The following CRMP1 variants were observed in gnomAD, a reference collection of about 807,000 sequenced individuals.
The protein encoded by CRMP1 is dihydropyrimidinase-related protein 1.
Under a neutral mutation model 68.3 loss-of-function variants are expected in CRMP1, and 19 were observed. That is an observed-to-expected ratio of 0.28 (90% CI 0.19 to 0.41). The LOEUF (loss-of-function observed/expected upper bound fraction) is 0.41, where lower values mean the gene tolerates loss of function less well. Among genes scored for constraint, CRMP1 ranks in the 10% least tolerant of loss-of-function variants. The pLI is 1.00. For missense variants in CRMP1, 791 were observed against 967.4 expected, an observed-to-expected ratio of 0.82 and a Z score of 2.42; for synonymous variants, 439 against 399.6, an observed-to-expected ratio of 1.10 and a Z score of -1.18.
Position 5,858,130 on chromosome 4 carries a change from G to A in CRMP1, c.656-1823C>T, listed in dbSNP as rs955030125. On this transcript the variant is annotated intron_variant, in intron 3 of 13. Transcript: ENST00000324989. This position sits in a 1 kb window ranked among gnomAD's most constrained non-coding sequence, Gnocchi z 5.5. Reference sequence around the variant, plus strand: ...AGTCCCTCCCTCCTTCCTTAAACTCGCTTCTCTCCAGCTTCCATGGCAACG... The same window carrying A: ...AGTCCCTCCCTCCTTCCTTAAACTCACTTCTCTCCAGCTTCCATGGCAACG... 3.3e-5 allele frequency among the ~76,000 whole-genome samples: 5 copies of A among 151,880 alleles called. No homozygotes were observed. Among genetic ancestry groups the A allele is most frequent in the South Asian group, 2.1e-4 (1 of 4,804 alleles).
Position 5,883,339 on chromosome 4 carries a change from G to A in CRMP1, c.381+9250C>T, listed in dbSNP as rs775810698. Among the ~76,000 whole-genome samples, 12 of 147,628 alleles carry A rather than the reference G, an allele frequency of 8.1e-5. No homozygotes were observed. Among genetic ancestry groups the A allele is most frequent in the South Asian group, 2.2e-4 (1 of 4,612 alleles). Reference sequence around the variant, plus strand: ...TTGTTTGAGAGAGTCTCATTCTGTCGCCCAGGCTGAAGTGCAGTGGCATGA... The same window carrying A: ...TTGTTTGAGAGAGTCTCATTCTGTCACCCAGGCTGAAGTGCAGTGGCATGA... On this transcript the variant is annotated intron_variant, in intron 1 of 13. Coordinates refer to ENST00000324989, the MANE Select transcript of CRMP1 (RefSeq NM_001014809.3). This position sits in a 1 kb window ranked among gnomAD's most constrained non-coding sequence, Gnocchi z 4.5.
chr4:5,856,761 T>TC (rs1223194853), intron 3 of CRMP1, among the ~76,000 whole-genome samples: 1 of 150,326 alleles, frequency 6.7e-6, no homozygotes, highest in Non-Finnish European at 1.5e-5. Flanking sequence ...TCCACCACCA[T>TC]CACTATCATC....
At chr4:5,882,936 G>T (rs528577874) in intron 1 of CRMP1, among the ~76,000 whole-genome samples, 1 of 152,146 alleles carries the variant, frequency 6.6e-6, no homozygotes, top group Non-Finnish European at 1.5e-5. Context: ...TAGAACCCAC[G>T]TGTTATTTCC....
intron 8 of CRMP1, 108 bp from the exon 9 acceptor site, chr4:5,839,786 GC>G (rs1711565142): frequency 7.8e-7 from 1 of 1,281,732 alleles, no homozygotes; most frequent in African/African-American, 1.5e-5. Flanking sequence ...CTGGCTGAAG[GC>G]CAGAACACTG....
chr4:5,821,873 T>G lies in CRMP1; in HGVS notation c.1970-22A>C, dbSNP rs751468848. On this transcript the variant is annotated intron_variant, in intron 13 of 13. Coordinates refer to ENST00000324989, the MANE Select transcript of CRMP1 (RefSeq NM_001014809.3). The surrounding 1 kb of genome is among the most constrained non-coding windows in gnomAD (Gnocchi z 4.4). ...GCACCTGAAAGAGAGCGCCAATCGC[T>G]GCTGGATGGGATCTGTTAGCATCAG... 2 of 1,541,372 alleles carry G rather than the reference T, an allele frequency of 1.3e-6. No individual in the cohort carries two copies. Among genetic ancestry groups the G allele is most frequent in the Non-Finnish European group, 1.7e-6 (2 of 1,148,630 alleles).
intron 11 of CRMP1, among the ~76,000 whole-genome samples, chr4:5,833,815 C>G (rs560168594): frequency 6.6e-6 from 1 of 152,174 alleles, no homozygotes; most frequent in African/African-American, 2.4e-5. Context: ...GAGGCCCACA[C>G]GGGCGGATCA....
chr4:5,841,481 C>T lies in CRMP1; in HGVS notation c.1033-53G>A. On this transcript the variant is annotated intron_variant, in intron 7 of 13. Coordinates refer to ENST00000324989, the MANE Select transcript of CRMP1 (RefSeq NM_001014809.3). The surrounding 1 kb of genome is among the most constrained non-coding windows in gnomAD (Gnocchi z 6.9). ...GAGGGAAGGCTGGTGTAACAGCTACCACCCATCTCCATTTTCCTTAATTGA... is the reference window on the plus strand; with the variant it reads ...GAGGGAAGGCTGGTGTAACAGCTACTACCCATCTCCATTTTCCTTAATTGA... 1 of 1,604,072 alleles carries T rather than the reference C, an allele frequency of 6.2e-7. No individual in the cohort carries two copies. The highest frequency in any genetic ancestry group is 8.5e-7 in the Non-Finnish European group (1 of 1,173,186).
At chr4:5,831,839 C>T (rs997553144) in intron 11 of CRMP1, among the ~76,000 whole-genome samples, 2 of 152,142 alleles carry the variant, frequency 1.3e-5, no homozygotes, top group Admixed American at 1.3e-4. Flanking sequence ...CACAAAACAC[C>T]ATGATGAAAA....
chr4:5,850,524 A>G lies in CRMP1; in HGVS notation c.882+884T>C, dbSNP rs189931685. On this transcript the variant is annotated intron_variant, in intron 5 of 13. Coordinates refer to ENST00000324989, the MANE Select transcript of CRMP1 (RefSeq NM_001014809.3). The surrounding 1 kb of genome is among the most constrained non-coding windows in gnomAD (Gnocchi z 4.4). ...ACATAAAGTGCTTCTCCCGTTGCCC[A>G]TCTATCTTCATGGTAATAACCAATT... 6.6e-6 allele frequency among the ~76,000 whole-genome samples: 1 copy of G among 152,294 alleles called. No homozygotes were observed. The highest frequency in any genetic ancestry group is 1.9e-4 in the East Asian group (1 of 5,178).
Position 5,852,007 on chromosome 4 carries a change from C to A in CRMP1, c.821-538G>T, listed in dbSNP as rs143112649. On this transcript the variant is annotated intron_variant, in intron 4 of 13. Coordinates refer to ENST00000324989, the MANE Select transcript of CRMP1 (RefSeq NM_001014809.3). The stretch of plus-strand genomic sequence containing the variant: ...AAGAGGAAGAGGAGGAGAAAGAGGA[C>A]GAGGAGGAGGAGGAAAACTCCCCAG... Among the ~76,000 whole-genome samples, 171 of 148,958 alleles carry A rather than the reference C, an allele frequency of 1.1e-3. 1 individual carries two copies. The highest frequency in any genetic ancestry group is 3.7e-3 in the African/African-American group (151 of 40,390).
intron 1 of CRMP1, among the ~76,000 whole-genome samples, chr4:5,876,701 G>T (rs1004095070): frequency 4.6e-5 from 7 of 152,020 alleles, no homozygotes; most frequent in Admixed American, 2.6e-4. Flanking sequence ...GCTGATATTC[G>T]CAATTCAAAA....
chr4:5,857,246 T>G lies in CRMP1; in HGVS notation c.656-939A>C, dbSNP rs577924104. 2.2e-3 allele frequency among the ~76,000 whole-genome samples: 326 copies of G among 151,120 alleles called. 1 individual carries two copies. Among genetic ancestry groups the G allele is most frequent in the African/African-American group, 7.7e-3 (314 of 40,928 alleles). The stretch of plus-strand genomic sequence containing the variant: ...ACCACCATCATCACCATCACCATCA[T>G]CATCATCACTATCATTATCACCCCA... On this transcript the variant is annotated intron_variant, in intron 3 of 13. Coordinates refer to ENST00000324989, the MANE Select transcript of CRMP1 (RefSeq NM_001014809.3).
chr4:5,821,725 G>C lies in CRMP1; in HGVS notation c.*35C>G. 1.9e-6 allele frequency: 3 copies of C among 1,555,596 alleles called. No homozygotes were observed. Among genetic ancestry groups the C allele is most frequent in the Non-Finnish European group, 2.6e-6 (3 of 1,140,906 alleles). On this transcript the variant is annotated 3_prime_UTR_variant, in exon 14 of 14. Transcript: ENST00000324989. This position sits in a 1 kb window ranked among gnomAD's most constrained non-coding sequence, Gnocchi z 4.4. ...GGAAAAGGGATGGACATGATTCCCA[G>C]AATCCTTCAGGCTAGCTCCTCCGCG...
At chr4:5,830,956 T>C (rs1577746611) in intron 11 of CRMP1, among the ~76,000 whole-genome samples, 1 of 151,774 alleles carries the variant, frequency 6.6e-6, no homozygotes, top group South Asian at 2.1e-4. Context: ...TTTTTTATTT[T>C]TGTTTGTTTG....
chr4:5,852,789 T>C (rs1712757776), intron 4 of CRMP1, among the ~76,000 whole-genome samples: 1 of 151,818 alleles, frequency 6.6e-6, no homozygotes, highest in African/African-American at 2.4e-5. Context: ...TGATGATCCC[T>C]ATGTGGGGGA....
rs1322029076 is a variant in CRMP1, at chr4:5,877,448, C to T, written c.382-10692G>A. Among the ~76,000 whole-genome samples the T allele has an allele frequency of 6.6e-6, 1 of 152,240 alleles. No individual in the cohort carries two copies. The highest frequency in any genetic ancestry group is 6.5e-5 in the Admixed American group (1 of 15,292). ...CTTCCCCTTGAGCAAGCTCCCCACTCTGGCCTCCTTGCAACGGCAAGTGCT... is the reference window on the plus strand; with the variant it reads ...CTTCCCCTTGAGCAAGCTCCCCACTTTGGCCTCCTTGCAACGGCAAGTGCT... On this transcript the variant is annotated intron_variant, in intron 1 of 13. Coordinates refer to ENST00000324989, the MANE Select transcript of CRMP1 (RefSeq NM_001014809.3). This position sits in a 1 kb window ranked among gnomAD's most constrained non-coding sequence, Gnocchi z 4.3.
rs981172826 is a variant in CRMP1, at chr4:5,858,741, G to A, written c.655+2285C>T. 2.0e-4 allele frequency among the ~76,000 whole-genome samples: 31 copies of A among 152,208 alleles called. No homozygotes were observed. The highest frequency in any genetic ancestry group is 7.5e-4 in the African/African-American group (31 of 41,524). ...TCAACATTGCCCATCACCCATATGA[G>A]AAAGAGCCACAGCCTCATCAGGCCA... is the stretch of plus-strand genomic sequence containing the variant. On this transcript the variant is annotated intron_variant, in intron 3 of 13. Transcript: ENST00000324989. The surrounding 1 kb of genome is among the most constrained non-coding windows in gnomAD (Gnocchi z 5.5).
chr4:5,851,732 A>AGAGGAGGAG (rs1288362733), intron 4 of CRMP1, among the ~76,000 whole-genome samples: 1 of 150,504 alleles, frequency 6.6e-6, no homozygotes, highest in Non-Finnish European at 1.5e-5. Context: ...AGAAGGAGAA[A>AGAGGAGGAG]GAGGAGGAGG....
At chr4:5,864,308 A>C (rs1256321037) in intron 2 of CRMP1, among the ~76,000 whole-genome samples, 1 of 152,074 alleles carries the variant, frequency 6.6e-6, no homozygotes, top group Non-Finnish European at 1.5e-5. Context: ...TTTACCTTTC[A>C]GGCTTCAGAA....
Sources: gnomAD v4.1 joint callset for allele counts (sites outside exome capture counted in the v4.1 genomes callset) on GRCh38, gnomAD v4.1.1 for gene constraint, Gnocchi (gnomAD v3.1) non-coding constraint, MANE v1.5 for transcripts, NCBI Gene and HGNC (gene_info 2026-07-23, HGNC 2026-07-21) for gene names.